Variants in SRBD1 observed in about 807,000 individuals in gnomAD.
SRBD1 encodes S1 RNA-binding domain-containing protein 1.
In SRBD1, 88 loss-of-function variants were observed where a neutral mutation model predicts 115.3. The ratio of observed to expected loss-of-function variants is 0.76; its 90% CI spans 0.64 to 0.91. The LOEUF (loss-of-function observed/expected upper bound fraction) is 0.91. Ranked by LOEUF, SRBD1 falls within the 40% of genes least tolerant of loss-of-function variation. The pLI, the probability that SRBD1 is intolerant of heterozygous loss-of-function variation, is 0.00. For synonymous variants in SRBD1, 509 were observed against 407.7 expected (o/e 1.25, Z -2.99); for missense variants, 1,385 against 1,177.4 (o/e 1.18, Z -2.58).
At chr2:45,413,857 G>C (rs1667678476) in intron 18 of SRBD1, among the ~76,000 whole-genome samples, 1 of 152,020 alleles carries the variant, frequency 6.6e-6, no homozygotes, top group Non-Finnish European at 1.5e-5. Context: ...ACTTAAACCT[G>C]GCAGGCGGCG....
At chr2:45,572,791 T>G (rs1673060773) in intron 9 of SRBD1, among the ~76,000 whole-genome samples, 1 of 152,114 alleles carries the variant, frequency 6.6e-6, no homozygotes, top group African/African-American at 2.4e-5. Flanking sequence ...AAAATGAAAT[T>G]AAAACACTGA....
chr2:45,604,353 G>C (rs1674195951), intron 2 of SRBD1, among the ~76,000 whole-genome samples: 1 of 137,766 alleles, frequency 7.3e-6, no homozygotes, highest in Non-Finnish European at 1.5e-5. Context: ...CATAAGACAA[G>C]ATCAGCTACT....
chr2:45,477,859 T>C (rs143592986), intron 15 of SRBD1, among the ~76,000 whole-genome samples: 1 of 152,190 alleles, frequency 6.6e-6, no homozygotes, highest in African/African-American at 2.4e-5. Flanking sequence ...ATAGTTCTAA[T>C]TACATCCCTT....
At chr2:45,509,638 C>T (rs1156388595) in intron 14 of SRBD1, among the ~76,000 whole-genome samples, 2 of 150,696 alleles carry the variant, frequency 1.3e-5, no homozygotes, top group African/African-American at 4.9e-5. Context: ...CACACACACA[C>T]ACACACACGC....
intron 16 of SRBD1, among the ~76,000 whole-genome samples, chr2:45,470,335 A>G (rs1160680242): frequency 6.6e-6 from 1 of 152,194 alleles, no homozygotes; most frequent in African/African-American, 2.4e-5. Flanking sequence ...CGCTGGGAAG[A>G]TGATTTTCCT....
chr2:45,473,566 T>C (rs940828205), intron 16 of SRBD1, among the ~76,000 whole-genome samples: 3 of 152,188 alleles, frequency 2.0e-5, no homozygotes, highest in African/African-American at 7.2e-5. Flanking sequence ...CACACTAAAT[T>C]GATGGTTTGC....
intron 14 of SRBD1, among the ~76,000 whole-genome samples, chr2:45,516,064 C>A (rs1435744762): frequency 6.6e-6 from 1 of 152,090 alleles, no homozygotes; most frequent in African/African-American, 2.4e-5. Context: ...ACTTTAAACA[C>A]AGAGGAAAGA....
chr2:45,471,642 C>T (rs1669650667), intron 16 of SRBD1, among the ~76,000 whole-genome samples: 1 of 152,112 alleles, frequency 6.6e-6, no homozygotes, highest in Non-Finnish European at 1.5e-5. Flanking sequence ...AAAATGTTCA[C>T]CTCACTGTAT....
chr2:45,572,658 A>G (rs1194958672), intron 9 of SRBD1, among the ~76,000 whole-genome samples: 1 of 152,126 alleles, frequency 6.6e-6, no homozygotes, highest in East Asian at 1.9e-4. Flanking sequence ...ATGTAAATAT[A>G]AACGCCAGTG....
intron 4 of SRBD1, among the ~76,000 whole-genome samples, chr2:45,592,346 A>G (rs1204738967): frequency 6.6e-6 from 1 of 151,786 alleles, no homozygotes; most frequent in Non-Finnish European, 1.5e-5. Flanking sequence ...CCATGTACTC[A>G]CCTCCCAAGC....
At chr2:45,475,554 A>C (rs146553161) in intron 16 of SRBD1, among the ~76,000 whole-genome samples, 151 of 152,320 alleles carry the variant, frequency 9.9e-4, no homozygotes, top group African/African-American at 3.5e-3. Context: ...ATCTCTTTGA[A>C]GTCAATAGCT....
chr2:45,560,500 T>A (rs1368943679), intron 10 of SRBD1, among the ~76,000 whole-genome samples: 1 of 152,224 alleles, frequency 6.6e-6, no homozygotes, highest in African/African-American at 2.4e-5. Context: ...GCTATACAGT[T>A]ACGTAGATTA....
chr2:45,500,479 G>A (rs985972826), intron 14 of SRBD1, among the ~76,000 whole-genome samples: 3 of 151,546 alleles, frequency 2.0e-5, no homozygotes, highest in African/African-American at 4.9e-5. Flanking sequence ...CTGGAGTGCA[G>A]TGGCACAATC....
chr2:45,399,167 C>T (rs1558552318), intron 19 of SRBD1, among the ~76,000 whole-genome samples: 2 of 151,972 alleles, frequency 1.3e-5, no homozygotes, highest in African/African-American at 2.4e-5. Flanking sequence ...CATTCCCCTG[C>T]CCAAATGATA....
chr2:45,489,814 G>A (rs1400551583), intron 14 of SRBD1, among the ~76,000 whole-genome samples: 1 of 152,056 alleles, frequency 6.6e-6, no homozygotes, highest in Non-Finnish European at 1.5e-5. Context: ...GCACAACCAG[G>A]TAACCCTTAA....
chr2:45,566,861 T>A (rs1215720567), intron 9 of SRBD1, among the ~76,000 whole-genome samples: 1 of 152,210 alleles, frequency 6.6e-6, no homozygotes, highest in East Asian at 1.9e-4. Context: ...TTAAACAACA[T>A]CACTTCAACA....
At chr2:45,479,091 A>C (rs2103825608) in intron 15 of SRBD1, among the ~76,000 whole-genome samples, 1 of 152,268 alleles carries the variant, frequency 6.6e-6, no homozygotes. Flanking sequence ...AACCACACCT[A>C]TAAGGTAACA....
At chr2:45,445,940 C>A (rs1189734200) in intron 16 of SRBD1, among the ~76,000 whole-genome samples, 2 of 152,144 alleles carry the variant, frequency 1.3e-5, no homozygotes, top group East Asian at 3.9e-4. Context: ...TGGCTAGGAA[C>A]AGACGTTTGC....
chr2:45,440,021 T>C (rs1264518488), intron 16 of SRBD1, among the ~76,000 whole-genome samples: 3 of 152,156 alleles, frequency 2.0e-5, no homozygotes, highest in African/African-American at 7.2e-5. Flanking sequence ...GTAATCCTTT[T>C]CTATATAAAG....
Sources: allele counts gnomAD v4.1 joint callset (sites outside exome capture counted in the v4.1 genomes callset), GRCh38; gene constraint gnomAD v4.1.1; transcripts MANE v1.5; gene names NCBI Gene and HGNC (gene_info 2026-07-23, HGNC 2026-07-21).